FBXO11: variants seen among roughly 807,000 people sequenced by gnomAD.
The protein encoded by FBXO11 is F-box protein 11.
FBXO11 carries 13 observed loss-of-function variants against 117.0 expected under a neutral mutation model. The ratio of observed to expected loss-of-function variants is 0.11; its 90% CI spans 0.07 to 0.18. The LOEUF (loss-of-function observed/expected upper bound fraction) is 0.18. FBXO11 is among the 10% of genes least tolerant of loss of function. The pLI is 1.00. For missense variants in FBXO11, 767 were observed against 1,164.4 expected, an observed-to-expected ratio of 0.66 and a Z score of 4.97; for synonymous variants, 490 against 380.5, an observed-to-expected ratio of 1.29 and a Z score of -3.35.
At position 47,815,908 on chromosome 2, in the gene FBXO11, G is replaced by C. The variant is rs115816973; in HGVS notation, c.2007-2041C>G. On this transcript the variant is annotated intron_variant, in intron 16 of 22. Transcript: ENST00000403359. ...GTTCAGAATGAAACTGGCGCACTTA[G>C]TCAAGCCTCGAGGGCCTTTTGAAGC... 7.4e-3 allele frequency among the ~76,000 whole-genome samples: 1,133 copies of C among 152,308 alleles called. 6 individuals are homozygous for C. Among genetic ancestry groups the C allele is most frequent in the African/African-American group, 0.026 (1,067 of 41,578 alleles).
At chr2:47,849,659 T>C (rs1673701276) in intron 1 of FBXO11, among the ~76,000 whole-genome samples, 1 of 152,194 alleles carries the variant, frequency 6.6e-6, no homozygotes, top group Non-Finnish European at 1.5e-5. Flanking sequence ...AGGGAATATT[T>C]AAGAACATCT....
chr2:47,856,635 T>C (rs1674317015), intron 1 of FBXO11, among the ~76,000 whole-genome samples: 2 of 152,224 alleles, frequency 1.3e-5, no homozygotes, highest in African/African-American at 4.8e-5. Flanking sequence ...TTGTATCAGT[T>C]AGTGGAGAAC....
intron 1 of FBXO11, among the ~76,000 whole-genome samples, chr2:47,842,161 G>A (rs962915934): frequency 2.0e-5 from 3 of 150,978 alleles, no homozygotes; most frequent in African/African-American, 4.9e-5. Flanking sequence ...GACTACAGGT[G>A]CACGCCACTA....
chr2:47,905,496 G>C lies in FBXO11; in HGVS notation c.225C>G (p.Gly75=). The C allele has an allele frequency of 1.6e-6, 2 of 1,229,814 alleles. No homozygotes were observed. The highest frequency in any genetic ancestry group is 2.0e-6 in the Non-Finnish European group (2 of 986,946). 76.2% of individuals were successfully genotyped at this position (1,229,814 alleles called of 1,614,324 possible). ...GAGGTAGCGCGGCCTTACCCCGCTC[G>C]CCGACGTTGTTCCGCTCCTGAGGCA... The part of the protein sequence containing the change: ...PPLPQERNNV[G]ERDDDVPADM... The change falls in exon 1 of 23, where the codon GGC becomes GGG. Residue 75 remains glycine (G), a synonymous_variant. Coordinates refer to ENST00000403359, the MANE Select transcript of FBXO11 (RefSeq NM_001190274.2).
chr2:47,818,190 A>T (rs996375105), intron 16 of FBXO11, among the ~76,000 whole-genome samples: 2 of 152,236 alleles, frequency 1.3e-5, no homozygotes, highest in Non-Finnish European at 2.9e-5. Flanking sequence ...AGACACAGAG[A>T]CAGGAAGTGA....
At chr2:47,897,142 C>T (rs1488290840) in intron 1 of FBXO11, among the ~76,000 whole-genome samples, 1 of 152,188 alleles carries the variant, frequency 6.6e-6, no homozygotes, top group Non-Finnish European at 1.5e-5. Context: ...ACATGCTCTT[C>T]CTCTTCCCCA....
At chr2:47,820,073 C>T (rs972449683) in intron 14 of FBXO11, among the ~76,000 whole-genome samples, 3 of 152,184 alleles carry the variant, frequency 2.0e-5, no homozygotes, top group Non-Finnish European at 4.4e-5. Flanking sequence ...GCTGCTGAGG[C>T]TAGCCCATAT....
At chr2:47,886,396 C>A (rs1488205253) in intron 1 of FBXO11, among the ~76,000 whole-genome samples, 1 of 151,622 alleles carries the variant, frequency 6.6e-6, no homozygotes, top group Non-Finnish European at 1.5e-5. Flanking sequence ...ATCCCAGCTA[C>A]TCAGGAGGCT....
At chr2:47,886,860 C>A (rs182330507) in intron 1 of FBXO11, among the ~76,000 whole-genome samples, 3 of 151,996 alleles carry the variant, frequency 2.0e-5, no homozygotes, top group African/African-American at 7.3e-5. Context: ...ACAATGAGAC[C>A]CCTGTCTCTA....
chr2:47,837,502 G>A lies in FBXO11; in HGVS notation c.587+1357C>T, dbSNP rs191359235. ...AGATTGTGCCACTGCACTCTAGCCT[G>A]GGCAACAAGAACGAAACTCCGTCAA... On this transcript the variant is annotated intron_variant, in intron 4 of 22. Transcript: ENST00000403359. Among the ~76,000 whole-genome samples, 285 of 152,260 alleles carry A rather than the reference G, an allele frequency of 1.9e-3. 1 individual carries two copies. Among genetic ancestry groups the A allele is most frequent in the African/African-American group, 6.5e-3 (269 of 41,558 alleles).
intron 1 of FBXO11, among the ~76,000 whole-genome samples, chr2:47,882,898 CT>C (rs1193605306): frequency 6.6e-6 from 1 of 152,190 alleles, no homozygotes; most frequent in Non-Finnish European, 1.5e-5. Context: ...ATCTCCCTGT[CT>C]CAGCCTCCCA....
chr2:47,853,261 G>A (rs577059067), intron 1 of FBXO11, among the ~76,000 whole-genome samples: 78 of 151,914 alleles, frequency 5.1e-4, no homozygotes, highest in Admixed American at 6.6e-4. Context: ...CAGTACAGAC[G>A]GGGCTTCACC....
rs902796025 is a variant in FBXO11 at position 47,884,172 on chromosome 2, T to C, written c.232+21317A>G. Among the ~76,000 whole-genome samples, 15 of 152,164 alleles carry C rather than the reference T, an allele frequency of 9.9e-5. No individual in the cohort carries two copies. The East Asian group carries it at 1.3e-3, about 14-fold the overall frequency. On this transcript the variant is annotated intron_variant, in intron 1 of 22. Coordinates refer to ENST00000403359, the MANE Select transcript of FBXO11 (RefSeq NM_001190274.2). ...AGGCAGAGGTTTCAGTGAGCCGAGA[T>C]TGTGCCATTGCACTCCAGCCTGGGT...
chr2:47,836,117 T>C (rs1172188378), intron 4 of FBXO11, 116 bp from the exon 5 acceptor site: 5 of 621,086 alleles, frequency 8.1e-6, no homozygotes, highest in South Asian at 2.5e-5. Context: ...AAAGTAAGAA[T>C]AGACAAAAAT....
intron 1 of FBXO11, among the ~76,000 whole-genome samples, chr2:47,882,067 CTATATATAAA>C (rs1264188581): frequency 6.6e-6 from 1 of 152,042 alleles, no homozygotes; most frequent in East Asian, 1.9e-4. Context: ...GTCTTTATGT[CTATATATAAA>C]TTCACTGCTT....
intron 1 of FBXO11, among the ~76,000 whole-genome samples, chr2:47,860,083 C>T (rs1045635840): frequency 2.6e-5 from 4 of 152,006 alleles, no homozygotes; most frequent in African/African-American, 7.3e-5. Flanking sequence ...TAAGAGTAAA[C>T]GGGCACTAAA....
At chr2:47,819,360 C>T (rs371834718) in intron 14 of FBXO11, among the ~76,000 whole-genome samples, 7 of 152,106 alleles carry the variant, frequency 4.6e-5, no homozygotes, top group East Asian at 1.9e-4. Flanking sequence ...GGATTACAGG[C>T]GTCTGCCACC....
intron 1 of FBXO11, among the ~76,000 whole-genome samples, chr2:47,863,071 AC>A (rs376748763): frequency 1.0e-4 from 13 of 130,312 alleles, no homozygotes; most frequent in African/African-American, 2.8e-4. Context: ...AAAAAAAAAA[AC>A]AAAAAAACAA....
chr2:47,833,697 A>C (rs1281416871), intron 7 of FBXO11, among the ~76,000 whole-genome samples: 1 of 152,244 alleles, frequency 6.6e-6, no homozygotes, highest in Non-Finnish European at 1.5e-5. Context: ...GAAATAGTAC[A>C]AAAGTATTTA....
Sources: gnomAD v4.1 joint callset for allele counts (sites outside exome capture counted in the v4.1 genomes callset) on GRCh38, gnomAD v4.1.1 for gene constraint, MANE v1.5 for transcripts, NCBI Gene and HGNC (gene_info 2026-07-23, HGNC 2026-07-21) for gene names.